NR6A1: variants seen among roughly 807,000 people sequenced by gnomAD.
NR6A1 encodes retinoic acid receptor-related testis-associated receptor.
Under a neutral mutation model 59.1 loss-of-function variants are expected in NR6A1, and 7 were observed. The ratio of observed to expected loss-of-function variants is 0.12; its 90% CI spans 0.07 to 0.22. NR6A1 has a LOEUF of 0.22. Among genes scored for constraint, NR6A1 ranks in the 10% least tolerant of loss-of-function variants. NR6A1 has a pLI of 1.00. For synonymous variants in NR6A1, 243 were observed against 236.1 expected (o/e 1.03, Z -0.27); for missense variants, 468 against 611.6 (o/e 0.77, Z 2.48).
rs1832777494 is a variant in NR6A1 at position 124,520,472 on chromosome 9, T to C, written c.*2233A>G. 1 of 152,264 alleles carries C rather than the reference T, an allele frequency of 6.6e-6. No homozygotes were observed. The highest frequency in any genetic ancestry group is 2.1e-4 in the South Asian group (1 of 4,836). 9.4% of individuals were successfully genotyped at this position (152,264 alleles called of 1,614,324 possible). A position where few individuals can be genotyped will look rare whatever the true frequency, so the allele number is the denominator to read the frequency against. On this transcript the variant is annotated 3_prime_UTR_variant, in exon 10 of 10. Coordinates refer to ENST00000487099, the MANE Select transcript of NR6A1 (RefSeq NM_033334.4). ...CTCCACAAATTAACAACTTGCTCTG[T>C]TCAATACTACGTTGTTGGAGAGACA... is the stretch of plus-strand genomic sequence containing the variant.
chr9:124,692,256 A>G (rs1838574631), intron 2 of NR6A1, among the ~76,000 whole-genome samples: 1 of 152,184 alleles, frequency 6.6e-6, no homozygotes, highest in South Asian at 2.1e-4. Flanking sequence ...TTTCTCAGAC[A>G]TTCATTTGAG....
intron 2 of NR6A1, among the ~76,000 whole-genome samples, chr9:124,590,037 C>A (rs374579975): frequency 6.6e-5 from 8 of 121,408 alleles, no homozygotes; most frequent in African/African-American, 2.5e-4. Context: ...TGTTCTCCAG[C>A]CTGGTGACAG....
At chr9:124,703,577 G>C (rs1360837045) in intron 2 of NR6A1, among the ~76,000 whole-genome samples, 1 of 152,006 alleles carries the variant, frequency 6.6e-6, no homozygotes, top group African/African-American at 2.4e-5. Flanking sequence ...ATACAAGCCT[G>C]TATTCCCAAA....
chr9:124,573,991 A>G (rs1243638039), intron 2 of NR6A1, among the ~76,000 whole-genome samples: 1 of 152,218 alleles, frequency 6.6e-6, no homozygotes, highest in Non-Finnish European at 1.5e-5. Context: ...TAGCACAAGT[A>G]TGTACTACTT....
intron 4 of NR6A1, among the ~76,000 whole-genome samples, chr9:124,540,635 C>CA (rs1393583242): frequency 2.0e-5 from 3 of 151,996 alleles, no homozygotes; most frequent in Non-Finnish European, 4.4e-5. Flanking sequence ...CCCGTCTCTA[C>CA]AAAAAATAGA....
chr9:124,720,596 G>A lies in NR6A1; in HGVS notation c.142+12712C>T, dbSNP rs540353100. 3.3e-5 allele frequency among the ~76,000 whole-genome samples: 5 copies of A among 152,228 alleles called. No homozygotes were observed. The South Asian group carries it at 1.0e-3, about 32-fold the overall frequency. ...ACTGTCGGCTCTCTTCAAAGAGAGA[G>A]GCTTATCTTTTCTTTCAGATCATAT... On this transcript the variant is annotated intron_variant, in intron 2 of 9. Coordinates refer to ENST00000487099, the MANE Select transcript of NR6A1 (RefSeq NM_033334.4).
intron 2 of NR6A1, among the ~76,000 whole-genome samples, chr9:124,572,876 ATAAT>A (rs1935309545): frequency 1.3e-5 from 2 of 152,322 alleles, no homozygotes; most frequent in South Asian, 4.1e-4. Flanking sequence ...AAACTATGAA[ATAAT>A]TGTTTTTCCA....
intron 2 of NR6A1, among the ~76,000 whole-genome samples, chr9:124,725,294 C>T (rs1188874774): frequency 2.0e-5 from 3 of 152,016 alleles, no homozygotes; most frequent in Non-Finnish European, 4.4e-5. Flanking sequence ...ACATTGGACT[C>T]CAGGAAGTCC....
At chr9:124,547,011 C>A (rs112088285) in intron 3 of NR6A1, among the ~76,000 whole-genome samples, 3 of 152,332 alleles carry the variant, frequency 2.0e-5, no homozygotes, top group African/African-American at 7.2e-5. Flanking sequence ...TGATGCCATA[C>A]TGAACTAACA....
At chr9:124,658,575 G>A (rs1837330272) in intron 2 of NR6A1, 1 of 152,044 alleles carries the variant, frequency 6.6e-6, no homozygotes, top group Admixed American at 6.6e-5. Flanking sequence ...CATTTCTACA[G>A]CAAGAATCCT....
At chr9:124,684,905 G>C (rs781009119) in intron 2 of NR6A1, among the ~76,000 whole-genome samples, 48 of 152,056 alleles carry the variant, frequency 3.2e-4, no homozygotes, top group Non-Finnish European at 6.5e-4. Context: ...GTGCATCCCT[G>C]AGGCTAAGAT....
intron 2 of NR6A1, among the ~76,000 whole-genome samples, chr9:124,586,542 C>T (rs1444791821): frequency 6.6e-6 from 1 of 151,934 alleles, no homozygotes; most frequent in Non-Finnish European, 1.5e-5. Flanking sequence ...ATCTCCTGGG[C>T]TCAAGCAATC....
intron 2 of NR6A1, among the ~76,000 whole-genome samples, chr9:124,725,207 T>C (rs1839677256): frequency 6.6e-6 from 1 of 152,148 alleles, no homozygotes; most frequent in Non-Finnish European, 1.5e-5. Flanking sequence ...TGACTGCCCT[T>C]GTCCCTAGCT....
chr9:124,727,327 T>C (rs1191246475), intron 2 of NR6A1, among the ~76,000 whole-genome samples: 1 of 152,226 alleles, frequency 6.6e-6, no homozygotes, highest in Admixed American at 6.5e-5. Context: ...TGAAATTTGT[T>C]TTTTTGCCAT....
chr9:124,556,553 T>C (rs1011717773), intron 2 of NR6A1, among the ~76,000 whole-genome samples: 10 of 151,322 alleles, frequency 6.6e-5, no homozygotes, highest in South Asian at 2.1e-4. Context: ...CTCCGCCTCC[T>C]AGGTTCAAGC....
intron 1 of NR6A1, among the ~76,000 whole-genome samples, chr9:124,767,513 G>GAAAAAAAAAAAAAAAAAAAAA (rs951834728): frequency 2.6e-5 from 2 of 76,454 alleles, no homozygotes; most frequent in African/African-American, 4.2e-5. Context: ...TACAAAAAAA[G>GAAAAAAAAAAAAAAAAAAAAA]AAAAAAAAAA....
At chr9:124,671,347 A>G (rs1303612026) in intron 2 of NR6A1, among the ~76,000 whole-genome samples, 1 of 152,174 alleles carries the variant, frequency 6.6e-6, no homozygotes, top group Non-Finnish European at 1.5e-5. Context: ...AAAAACATCT[A>G]CTGCTATTTT....
intron 5 of NR6A1, among the ~76,000 whole-genome samples, chr9:124,539,461 C>T (rs1465565021): frequency 6.6e-6 from 1 of 152,196 alleles, no homozygotes; most frequent in East Asian, 1.9e-4. Context: ...AAAAGTTTGT[C>T]AATCCATATC....
chr9:124,711,018 CAT>C (rs1239027280), intron 2 of NR6A1, among the ~76,000 whole-genome samples: 2 of 151,972 alleles, frequency 1.3e-5, no homozygotes, highest in Non-Finnish European at 2.9e-5. Flanking sequence ...TCTTGACATG[CAT>C]ATGTCATGTT....
Sources: allele counts gnomAD v4.1 joint callset (sites outside exome capture counted in the v4.1 genomes callset), GRCh38; gene constraint gnomAD v4.1.1; transcripts MANE v1.5; gene names NCBI Gene and HGNC (gene_info 2026-07-23, HGNC 2026-07-21).